The following TTLL8 variants were observed in gnomAD, a reference collection of about 807,000 sequenced individuals.
TTLL8 encodes the protein tubulin tyrosine ligase like 8.
Under a neutral mutation model 77.8 loss-of-function variants are expected in TTLL8, and 65 were observed. The observed-to-expected ratio is 0.84, with a 90% CI of 0.68 to 1.03. TTLL8 has a LOEUF of 1.03. TTLL8 is among the 50% of genes least tolerant of loss of function. The pLI is 0.00. For synonymous variants in TTLL8, 402 were observed against 422.8 expected (o/e 0.95, Z 0.60); for missense variants, 910 against 1,004.5 (o/e 0.91, Z 1.27).
At chr22:50,043,949 C>T (rs1349983620) in intron 6 of TTLL8, among the ~76,000 whole-genome samples, 1 of 152,168 alleles carries the variant, frequency 6.6e-6, no homozygotes, top group Non-Finnish European at 1.5e-5. Context: ...TACACGGCAT[C>T]ATACATTGTC....
chr22:50,049,968 G>A (rs998558732), intron 2 of TTLL8, 141 bp downstream of exon 4: 5 of 1,091,686 alleles, frequency 4.6e-6, no homozygotes, highest in Non-Finnish European at 5.9e-6. Context: ...CCAGGAGGGT[G>A]ATGGAGACCT....
At chr22:50,020,006 A>G (rs977867957) in intron 12 of TTLL8, among the ~76,000 whole-genome samples, 1 of 152,230 alleles carries the variant, frequency 6.6e-6, no homozygotes, top group East Asian at 1.9e-4. Context: ...GAAAACTCTA[A>G]AGCAAGAACT....
chr22:50,020,862 CG>C (rs2061192629), intron 12 of TTLL8, among the ~76,000 whole-genome samples: 1 of 132,478 alleles, frequency 7.5e-6, no homozygotes, highest in East Asian at 2.6e-4. Flanking sequence ...CTACATCTGA[CG>C]ACGTGCACTC....
intron 8 of TTLL8, among the ~76,000 whole-genome samples, chr22:50,040,601 G>T (rs899843998): frequency 6.6e-6 from 1 of 152,228 alleles, no homozygotes; most frequent in Admixed American, 6.5e-5. Context: ...AGGTGGACAC[G>T]TAAGCAAAAT....
Position 50,045,519 on chromosome 22 carries a change from C to T in TTLL8, c.509-130G>A. The T allele has an allele frequency of 1.0e-5, 8 of 770,500 alleles. No homozygotes were observed. The South Asian group carries it at 1.3e-4, about 12-fold the overall frequency. The allele number at this position is 770,500 out of a possible 1,614,324, so 47.7% of individuals were successfully genotyped here. A position where few individuals can be genotyped will look rare whatever the true frequency, so the allele number is the denominator to read the frequency against. On this transcript the variant is annotated intron_variant, in intron 5 of 13. Transcript: ENST00000266182. ...TCATAGCCGATGGGGCCCAGGCCTGCTCCCACACCCCCAGTCTGCCTGCCC... is the reference window on the plus strand; with the variant it reads ...TCATAGCCGATGGGGCCCAGGCCTGTTCCCACACCCCCAGTCTGCCTGCCC...
intron 12 of TTLL8, chr22:50,030,135 C>T: frequency 1.0e-6 from 1 of 980,772 alleles, no homozygotes; most frequent in Non-Finnish European, 1.2e-6. Context: ...CCGCGCCACA[C>T]CCCAGAGGTA....
intron 12 of TTLL8, among the ~76,000 whole-genome samples, chr22:50,023,148 T>A (rs1342638260): frequency 6.6e-6 from 1 of 152,244 alleles, no homozygotes. Context: ...ATTGATAAAA[T>A]TATCAAAATT....
At chr22:50,030,812 C>G (rs754518013) in exon 12 of TTLL8, 2 of 1,348,288 alleles carry the variant, frequency 1.5e-6, no homozygotes, top group East Asian at 4.7e-5. Flanking sequence ...CGTCCAACAG[C>G]GAGGCCGAGG....
intron 8 of TTLL8, among the ~76,000 whole-genome samples, chr22:50,038,672 T>C (rs2053112649): frequency 6.6e-6 from 1 of 152,022 alleles, no homozygotes; most frequent in African/African-American, 2.4e-5. Context: ...AATTAGCCAG[T>C]GTGGTGGCAC....
At chr22:50,029,812 C>T (rs1051062805) in intron 12 of TTLL8, among the ~76,000 whole-genome samples, 1 of 152,188 alleles carries the variant, frequency 6.6e-6, no homozygotes, top group African/African-American at 2.4e-5. Context: ...CCCACCGCGC[C>T]GTCCTGAAGA....
chr22:50,021,502 G>A (rs1396833292), intron 12 of TTLL8, among the ~76,000 whole-genome samples: 3 of 139,018 alleles, frequency 2.2e-5, no homozygotes, highest in Non-Finnish European at 4.6e-5. Flanking sequence ...TCCTCCATCT[G>A]ATGACGTGCA....
chr22:50,030,367 G>A, intron 12 of TTLL8, 63 bp downstream of exon 13: 1 of 1,223,132 alleles, frequency 8.2e-7, no homozygotes, highest in Non-Finnish European at 1.0e-6. Context: ...GGCTGCTGGC[G>A]AGGGTTGGGG....
intron 8 of TTLL8, among the ~76,000 whole-genome samples, chr22:50,035,186 C>T (rs1219647566): frequency 2.0e-5 from 3 of 152,162 alleles, no homozygotes; most frequent in African/African-American, 7.2e-5. Context: ...TGGGCAGACT[C>T]AGAGCTGTGA....
Position 50,047,167 on chromosome 22 carries a change from C to A in TTLL8, c.393+1G>T. On this transcript the variant is annotated splice_donor_variant, in intron 4 of 13. Transcript: ENST00000266182. LOFTEE classifies it high-confidence loss of function. The stretch of plus-strand genomic sequence containing the variant: ...GCCACGCTCAAGCGCGGCCGGCTCA[C>A]CTTGGTGGTGAAGGAGGCTGTCTTT... The A allele has an allele frequency of 7.3e-7, 1 of 1,367,428 alleles. No individual in the cohort carries two copies. 84.7% of individuals were successfully genotyped at this position (1,367,428 alleles called of 1,614,324 possible).
rs1231549034 is a variant in TTLL8, at chr22:50,027,737, G to A, written c.2203+2693C>T. The A allele has an allele frequency of 1.1e-5, 11 of 985,410 alleles. No individual in the cohort carries two copies. The South Asian group carries it at 1.4e-4, about 13-fold the overall frequency. 61.0% of individuals were successfully genotyped at this position (985,410 alleles called of 1,614,324 possible). A position where few individuals can be genotyped will look rare whatever the true frequency, so the allele number is the denominator to read the frequency against. On this transcript the variant is annotated intron_variant, in intron 12 of 13. Coordinates refer to ENST00000266182, the Ensembl canonical transcript of TTLL8. Reference sequence around the variant, plus strand: ...GCACAGGCTCTGAGAGCAACGGTGCGGTTGCCTGACTGTCACGGAACAAAC... The same window carrying A: ...GCACAGGCTCTGAGAGCAACGGTGCAGTTGCCTGACTGTCACGGAACAAAC...
chr22:50,049,109 G>T, intron 3 of TTLL8, 140 bp downstream of exon 5: 2 of 1,272,708 alleles, frequency 1.6e-6, no homozygotes, highest in East Asian at 4.7e-5. Context: ...GCCCGGTCAA[G>T]GGGCCCTGCT....
chr22:50,031,131 T>C (rs920282581), intron 11 of TTLL8, among the ~76,000 whole-genome samples: 1 of 152,102 alleles, frequency 6.6e-6, no homozygotes, highest in Non-Finnish European at 1.5e-5. Context: ...TTCCTGAGGC[T>C]TGGGGGTCAG....
intron 1 of TTLL8, among the ~76,000 whole-genome samples, chr22:50,053,514 A>G (rs2061455202): frequency 6.6e-6 from 1 of 152,196 alleles, no homozygotes; most frequent in South Asian, 2.1e-4. Flanking sequence ...CGGTACCCAG[A>G]GGGATAGTTG....
intron 9 of TTLL8, among the ~76,000 whole-genome samples, chr22:50,033,647 A>T (rs2061315075): frequency 2.0e-5 from 3 of 152,242 alleles, no homozygotes; most frequent in Admixed American, 6.5e-5. Flanking sequence ...CCAGTGCCTG[A>T]GTCCCCCAGG....
Sources: allele counts gnomAD v4.1 joint callset (sites outside exome capture counted in the v4.1 genomes callset), GRCh38; gene constraint gnomAD v4.1.1; transcripts MANE v1.5; gene names NCBI Gene and HGNC (gene_info 2026-07-23, HGNC 2026-07-21).